NCKAP1L: variants seen among roughly 807,000 people sequenced by gnomAD.
NCKAP1L encodes nck-associated protein 1-like.
A neutral mutation model predicts 139.2 loss-of-function variants in NCKAP1L; 53 were observed. The observed-to-expected ratio is 0.38, with a 90% CI of 0.31 to 0.48. The LOEUF is 0.48. Among genes scored for constraint, NCKAP1L ranks in the 20% least tolerant of loss-of-function variants. The pLI, the probability that NCKAP1L is intolerant of heterozygous loss-of-function variation, is 0.98. For synonymous variants in NCKAP1L, 468 were observed against 499.7 expected, an observed-to-expected ratio of 0.94 and a Z score of 0.85; for missense variants, 1,151 against 1,381.9, an observed-to-expected ratio of 0.83 and a Z score of 2.65.
chr12:54,510,684 T>A (rs1165757659), intron 7 of NCKAP1L, among the ~76,000 whole-genome samples: 28 of 151,616 alleles, frequency 1.8e-4, no homozygotes, highest in Admixed American at 1.8e-3. Flanking sequence ...TAATTTTTTT[T>A]TTTTTTTTTG....
In NCKAP1L at chr12:54,506,785, TAAAAA is replaced by T. The variant is rs1291340610; in HGVS notation, c.307-1060_307-1056del. On this transcript the variant is annotated intron_variant, in intron 3 of 30. Coordinates refer to ENST00000293373, the MANE Select transcript of NCKAP1L (RefSeq NM_005337.5). The stretch of plus-strand genomic sequence containing the variant: ...CTGTTCAAATCTTTTGGCAACATAT[TAAAAA>T]AAAAAAATATATATATATATATATA... 6.6e-5 allele frequency among the ~76,000 whole-genome samples: 4 copies of T among 60,352 alleles called. No individual in the cohort carries two copies. In the Middle Eastern group the frequency reaches 0.047, roughly 702 times the overall value. 39.6% of individuals were successfully genotyped at this position (60,352 alleles called of 152,430 possible).
chr12:54,517,778 A>C (rs758547306), intron 12 of NCKAP1L, 28 bp from the exon 13 acceptor site: 4 of 1,612,756 alleles, frequency 2.5e-6, no homozygotes. Context: ...AGTCTTATTC[A>C]TCTCTGTTCT....
chr12:54,521,211 T>C lies in NCKAP1L; in HGVS notation c.1851T>C (p.Cys617=). ...KQTSNCVLEI[C]AEQRNLSEQL... is the part of the protein sequence containing the mutation. ...CCAGCAATTGCGTCCTGGAGATCTG[T>C]GCTGAGCAGCGAAACCTGAGCGAGC... The change falls in exon 18 of 31, where the codon TGT becomes TGC. Residue 617 remains cysteine, a synonymous_variant. Coordinates refer to ENST00000293373, the MANE Select transcript of NCKAP1L (RefSeq NM_005337.5). 6.2e-7 allele frequency: 1 copy of C among 1,614,140 alleles called. No homozygotes were observed. Among genetic ancestry groups the C allele is most frequent in the South Asian group, 1.1e-5 (1 of 91,080 alleles).
chr12:54,528,579 G>A (rs1957043921), intron 22 of NCKAP1L, among the ~76,000 whole-genome samples: 1 of 151,906 alleles, frequency 6.6e-6, no homozygotes, highest in African/African-American at 2.4e-5. Flanking sequence ...TCTCCTGTTT[G>A]GAATTATTAA....
rs1232088595 is a variant in NCKAP1L at position 54,509,953 on chromosome 12, C to T, written c.703C>T (p.Pro235Ser). 7.4e-6 allele frequency: 12 copies of T among 1,614,246 alleles called. No individual in the cohort carries two copies. The highest frequency in any genetic ancestry group is 1.0e-5 in the Non-Finnish European group (12 of 1,180,042). Residue 235 changes from proline to serine, a missense_variant, in exon 7 of 31, where the codon CCA becomes TCA. Coordinates refer to ENST00000293373, the MANE Select transcript of NCKAP1L (RefSeq NM_005337.5). Reference protein sequence around the residue: ...AQLLSLISNPPAMINPANSDT... With the variant: ...AQLLSLISNPSAMINPANSDT... ...ACTTCTAAGCCTCATCAGCAACCCCCCAGCCATGATTAACCCTGCTAATTC... is the reference window on the plus strand; with the variant it reads ...ACTTCTAAGCCTCATCAGCAACCCCTCAGCCATGATTAACCCTGCTAATTC...
At chr12:54,535,423 T>G (rs575236039) in intron 27 of NCKAP1L, among the ~76,000 whole-genome samples, 1 of 152,340 alleles carries the variant, frequency 6.6e-6, no homozygotes, top group African/African-American at 2.4e-5. Flanking sequence ...TCCAACTAGT[T>G]GATCTACCGG....
rs368938386 is a variant in NCKAP1L, at chr12:54,528,500, GC to G, written c.2506+124del. 357 of 1,197,208 alleles carry G rather than the reference GC, an allele frequency of 3.0e-4. 1 individual carries two copies. In the African/African-American group the frequency reaches 5.1e-3, roughly 17 times the overall value. The allele number at this position is 1,197,208 out of a possible 1,614,324, so 74.2% of individuals were successfully genotyped here. ...GTAATTTTTGCAATTACTTTTCATT[GC>G]AAAAACCACAGTTACTTTTGCACCA... On this transcript the variant is annotated intron_variant, in intron 22 of 30. Coordinates refer to ENST00000293373, the MANE Select transcript of NCKAP1L (RefSeq NM_005337.5).
In NCKAP1L at chr12:54,526,509, T is replaced by C; in HGVS notation, c.2157-19T>C. On this transcript the variant is annotated intron_variant, in intron 20 of 30. Transcript: ENST00000293373. ...CCATTATGATTGTAATTCTAATTTT[T>C]TTTTTTTAAATCACCTAGAGCCATT... 6.3e-7 allele frequency: 1 copy of C among 1,598,818 alleles called. No individual in the cohort carries two copies. Among genetic ancestry groups the C allele is most frequent in the Non-Finnish European group, 8.6e-7 (1 of 1,166,512 alleles).
Position 54,497,865 on chromosome 12 carries a change from CT to C in NCKAP1L, c.77del (p.Leu26ProfsTer40). On this transcript the variant is annotated frameshift_variant, in exon 1 of 31. Transcript: ENST00000293373. LOFTEE classifies it high-confidence loss of function. Reference sequence around the variant, plus strand: ...CCTGAATGATCGCGGTCAGGGGGTTCTCATCCGTATGTATAACATCAAGAAG... The same window carrying C: ...CCTGAATGATCGCGGTCAGGGGGTTCCATCCGTATGTATAACATCAAGAAG... ...TILNDRGQGVLIRMYNIKKTC... is the reference protein window; with the variant it reads ...TILNDRGQGVXIRMYNIKKTC... 1 of 1,610,112 alleles carries C rather than the reference CT, an allele frequency of 6.2e-7. No homozygotes were observed. The highest frequency in any genetic ancestry group is 8.5e-7 in the Non-Finnish European group (1 of 1,176,332).
chr12:54,530,214 T>C (rs1005106854), intron 22 of NCKAP1L, among the ~76,000 whole-genome samples: 1 of 152,220 alleles, frequency 6.6e-6, no homozygotes, highest in African/African-American at 2.4e-5. Flanking sequence ...GATATTAAAC[T>C]TGCCTTTCTT....
At chr12:54,519,132 G>A (rs1956959590) in intron 15 of NCKAP1L, 55 bp from the exon 16 acceptor site, 3 of 1,556,770 alleles carry the variant, frequency 1.9e-6, no homozygotes, top group Non-Finnish European at 2.6e-6. Context: ...TCCAAGGCTG[G>A]GGGCCTTTTT....
At chr12:54,510,328 AT>A (rs1956877159) in intron 7 of NCKAP1L, 1 of 442,214 alleles carries the variant, frequency 2.3e-6, no homozygotes, top group African/African-American at 2.0e-5. Flanking sequence ...CAATTAACTT[AT>A]TTTTATTTTT....
At chr12:54,504,778 C>T (rs1385638774) in intron 3 of NCKAP1L, among the ~76,000 whole-genome samples, 1 of 152,136 alleles carries the variant, frequency 6.6e-6, no homozygotes, top group East Asian at 1.9e-4. Flanking sequence ...CTGTGTGAGG[C>T]GTCTGTGAGA....
chr12:54,508,663 A>G, intron 5 of NCKAP1L, 132 bp downstream of exon 5: 2 of 906,080 alleles, frequency 2.2e-6, no homozygotes, highest in Non-Finnish European at 3.4e-6. Flanking sequence ...ACCCAGGCAA[A>G]ATAAGGTACA....
intron 22 of NCKAP1L, among the ~76,000 whole-genome samples, chr12:54,529,155 A>G (rs1253438736): frequency 6.6e-6 from 1 of 152,200 alleles, no homozygotes; most frequent in Non-Finnish European, 1.5e-5. Context: ...AGAGAGTTTA[A>G]GGAACTTGCC....
chr12:54,531,950 C>T, intron 25 of NCKAP1L, 125 bp downstream of exon 25: 1 of 877,458 alleles, frequency 1.1e-6, no homozygotes, highest in Admixed American at 2.6e-5. Flanking sequence ...GGTTGGTGAG[C>T]ATTGAGAAGA....
At chr12:54,524,077 C>A in intron 20 of NCKAP1L, 121 bp downstream of exon 20, 2 of 1,036,758 alleles carry the variant, frequency 1.9e-6, no homozygotes, top group Non-Finnish European at 2.8e-6. Context: ...GTGGTCATGC[C>A]ACACGGTGGA....
chr12:54,522,553 C>T (rs1485483683), intron 18 of NCKAP1L, among the ~76,000 whole-genome samples: 1 of 152,314 alleles, frequency 6.6e-6, no homozygotes, highest in East Asian at 1.9e-4. Flanking sequence ...GCTACAGACA[C>T]ATAATCTTTT....
intron 9 of NCKAP1L, among the ~76,000 whole-genome samples, chr12:54,514,211 T>G (rs1479035514): frequency 7.9e-5 from 12 of 152,152 alleles, no homozygotes; most frequent in Non-Finnish European, 1.8e-4. Context: ...ATTTACAAAA[T>G]CCTCTATTGA....
Sources: allele counts gnomAD v4.1 joint callset (sites outside exome capture counted in the v4.1 genomes callset), GRCh38; gene constraint gnomAD v4.1.1; transcripts MANE v1.5; gene names NCBI Gene and HGNC (gene_info 2026-07-23, HGNC 2026-07-21).